UBE3D: variants seen among roughly 807,000 people sequenced by gnomAD.
UBE3D encodes ubiquitin protein ligase E3D.
A neutral mutation model predicts 49.6 loss-of-function variants in UBE3D; 48 were observed. The observed-to-expected ratio is 0.97, with a 90% CI of 0.77 to 1.23. The LOEUF is 1.23. Among genes scored for constraint, UBE3D ranks in the 50% most tolerant of loss-of-function variants. The probability of loss-of-function intolerance (pLI) is 0.00; values close to 1 mark genes in which losing one functional copy is unlikely to be tolerated. For synonymous variants in UBE3D, 189 were observed against 174.2 expected (o/e 1.08, Z -0.67); for missense variants, 452 against 468.4 (o/e 0.96, Z 0.32).
chr6:82,938,607 G>A (rs962534344), intron 9 of UBE3D: 1 of 152,162 alleles, frequency 6.6e-6, no homozygotes, highest in Non-Finnish European at 1.5e-5. Flanking sequence ...GAAGAAAAGA[G>A]GAAAATAATT....
intron 8 of UBE3D, among the ~76,000 whole-genome samples, chr6:83,015,209 C>A (rs1379516884): frequency 2.0e-5 from 3 of 152,168 alleles, no homozygotes; most frequent in African/African-American, 7.2e-5. Flanking sequence ...GCTGCCTTCA[C>A]AAATCTACTT....
intron 8 of UBE3D, among the ~76,000 whole-genome samples, chr6:82,974,991 T>C (rs184565858): frequency 6.6e-6 from 1 of 152,254 alleles, no homozygotes; most frequent in East Asian, 1.9e-4. Flanking sequence ...TATTTTTTTA[T>C]TTTAAAATAA....
downstream of UBE3D, among the ~76,000 whole-genome samples, chr6:82,887,444 C>A (rs1051973685): frequency 7.6e-6 from 1 of 132,068 alleles, no homozygotes; most frequent in Non-Finnish European, 1.5e-5. Context: ...CGCGGTGGCT[C>A]ACACCTATAA....
intron 3 of UBE3D, among the ~76,000 whole-genome samples, chr6:83,046,139 T>C (rs890129174): frequency 2.6e-5 from 4 of 152,186 alleles, no homozygotes; most frequent in Non-Finnish European, 4.4e-5. Context: ...TAAGGTGATA[T>C]ATGCTAAGTT....
At chr6:83,053,449 A>G (rs937354090) in intron 3 of UBE3D, among the ~76,000 whole-genome samples, 3 of 152,212 alleles carry the variant, frequency 2.0e-5, no homozygotes, top group Admixed American at 1.3e-4. Context: ...CAGCTGATGA[A>G]TGACTCGTGG....
At chr6:82,956,370 T>C (rs1345718301) in intron 9 of UBE3D, among the ~76,000 whole-genome samples, 1 of 152,198 alleles carries the variant, frequency 6.6e-6, no homozygotes, top group Admixed American at 6.5e-5. Context: ...TAATTCTCAT[T>C]TGACACTCAT....
chr6:82,882,586 C>G, the UBE3D span, among the ~76,000 whole-genome samples: 9 of 152,126 alleles, frequency 5.9e-5, no homozygotes, highest in African/African-American at 2.2e-4. Flanking sequence ...TGATGCCAGA[C>G]TGGAAAAGAC....
At chr6:83,048,283 G>A (rs1028346449) in intron 3 of UBE3D, among the ~76,000 whole-genome samples, 2 of 151,958 alleles carry the variant, frequency 1.3e-5, no homozygotes, top group African/African-American at 4.8e-5. Context: ...CCTCAGGTGG[G>A]TAGGAAGCAT....
chr6:82,982,499 A>G (rs966655570), intron 8 of UBE3D, among the ~76,000 whole-genome samples: 7 of 152,190 alleles, frequency 4.6e-5, no homozygotes, highest in African/African-American at 1.7e-4. Flanking sequence ...ATTTTGCTGA[A>G]GAAACCAAGT....
intron 8 of UBE3D, among the ~76,000 whole-genome samples, chr6:83,008,785 G>A (rs1272406526): frequency 1.3e-5 from 2 of 152,098 alleles, no homozygotes; most frequent in African/African-American, 4.8e-5. Context: ...CACCCAAAAA[G>A]AAAGACACTA....
At chr6:83,003,443 A>G (rs889360549) in intron 8 of UBE3D, among the ~76,000 whole-genome samples, 1 of 152,134 alleles carries the variant, frequency 6.6e-6, no homozygotes, top group African/African-American at 2.4e-5. Flanking sequence ...CTCTTCTTTT[A>G]TGATTACTAC....
chr6:82,897,428 TA>T (rs1368595649), intron 9 of UBE3D, among the ~76,000 whole-genome samples: 3 of 151,808 alleles, frequency 2.0e-5, no homozygotes, highest in African/African-American at 4.8e-5. Flanking sequence ...CCCTCTCTAC[TA>T]AAAACACAAA....
intron 8 of UBE3D, among the ~76,000 whole-genome samples, chr6:83,007,009 A>T (rs1322636175): frequency 6.6e-6 from 1 of 152,218 alleles, no homozygotes; most frequent in Non-Finnish European, 1.5e-5. Context: ...AGTAAAGACA[A>T]CTACTAATAC....
intron 7 of UBE3D, among the ~76,000 whole-genome samples, chr6:83,020,195 T>C (rs1190885747): frequency 6.6e-6 from 1 of 152,192 alleles, no homozygotes; most frequent in Non-Finnish European, 1.5e-5. Context: ...GCAAAGATTA[T>C]TTTCATTGCA....
At chr6:82,971,273 A>G (rs543372015) in intron 8 of UBE3D, among the ~76,000 whole-genome samples, 3 of 152,226 alleles carry the variant, frequency 2.0e-5, no homozygotes, top group East Asian at 3.9e-4. Flanking sequence ...ACTATGTTCT[A>G]TTACATTACC....
At chr6:83,059,253 G>A (rs1379633932) in intron 1 of UBE3D, among the ~76,000 whole-genome samples, 2 of 152,132 alleles carry the variant, frequency 1.3e-5, no homozygotes, top group Non-Finnish European at 2.9e-5. Flanking sequence ...GCTGGGTATA[G>A]TGGCACGCAC....
At chr6:83,016,408 A>T (rs1309959986) in intron 8 of UBE3D, among the ~76,000 whole-genome samples, 1 of 152,154 alleles carries the variant, frequency 6.6e-6, no homozygotes, top group Non-Finnish European at 1.5e-5. Flanking sequence ...GCCAAGGACT[A>T]TCAGCATTCT....
chr6:83,021,266 C>A (rs1283133866), intron 7 of UBE3D, among the ~76,000 whole-genome samples: 2 of 152,056 alleles, frequency 1.3e-5, no homozygotes, highest in Non-Finnish European at 2.9e-5. Context: ...CATAGCAAGA[C>A]CTCGTCTTCA....
chr6:83,054,912 G>A (rs1250830439), intron 2 of UBE3D, among the ~76,000 whole-genome samples: 1 of 152,138 alleles, frequency 6.6e-6, no homozygotes, highest in African/African-American at 2.4e-5. Flanking sequence ...GCCTCCCAAA[G>A]TGCTGGGATT....
Sources: gnomAD v4.1 joint callset for allele counts (sites outside exome capture counted in the v4.1 genomes callset) on GRCh38, gnomAD v4.1.1 for gene constraint, MANE v1.5 for transcripts, NCBI Gene and HGNC (gene_info 2026-07-23, HGNC 2026-07-21) for gene names.